Variants in PALS2 observed in about 807,000 individuals in gnomAD.
The protein encoded by PALS2 is protein associated with LIN7 2, MAGUK p55 family member.
A neutral mutation model predicts 61.6 loss-of-function variants in PALS2; 27 were observed. The observed-to-expected ratio is 0.44, with a 90% CI of 0.32 to 0.60. The LOEUF (loss-of-function observed/expected upper bound fraction) is 0.60, where lower values mean the gene tolerates loss of function less well. Ranked by LOEUF, PALS2 falls within the 20% of genes least tolerant of loss-of-function variation. The pLI is 0.05. For missense variants in PALS2, 554 were observed against 639.4 expected (o/e 0.87, Z 1.44); for synonymous variants, 236 against 218.6 (o/e 1.08, Z -0.70).
chr7:24,668,508 G>C lies in PALS2; in HGVS notation c.962G>C (p.Arg321Pro). Residue 321 changes from arginine to proline, a missense_variant, in exon 9 of 12, where the codon CGT becomes CCT. Transcript: ENST00000222644. ...YLTTRNAEFDRHEIQIYEEVA... is the reference protein window; with the variant it reads ...YLTTRNAEFDPHEIQIYEEVA... ...TTCCTTTTTCATTTAGAATTTGATCGTCATGAAATCCAGATATATGAGGAG... is the reference window on the plus strand; with the variant it reads ...TTCCTTTTTCATTTAGAATTTGATCCTCATGAAATCCAGATATATGAGGAG... 1 of 1,610,266 alleles carries C rather than the reference G, an allele frequency of 6.2e-7. No individual in the cohort carries two copies. Among genetic ancestry groups the C allele is most frequent in the Non-Finnish European group, 8.5e-7 (1 of 1,178,460 alleles).
At chr7:24,606,762 G>A (rs1783914420) in intron 1 of PALS2, among the ~76,000 whole-genome samples, 1 of 151,896 alleles carries the variant, frequency 6.6e-6, no homozygotes, top group South Asian at 2.1e-4. Context: ...TTATTATACA[G>A]GTTGAGTATC....
At chr7:24,680,676 A>G (rs1401113170) in intron 11 of PALS2, among the ~76,000 whole-genome samples, 156 bp downstream of exon 11, 2 of 152,034 alleles carry the variant, frequency 1.3e-5, no homozygotes, top group Non-Finnish European at 2.9e-5. Context: ...GCTCGTTGCA[A>G]CCTCCCCGTC....
chr7:24,607,425 C>T (rs1434511222), intron 1 of PALS2, among the ~76,000 whole-genome samples: 1 of 151,726 alleles, frequency 6.6e-6, no homozygotes, highest in East Asian at 1.9e-4. Flanking sequence ...AGGAATTCTA[C>T]TTTTAGCTCT....
chr7:24,674,819 T>C (rs1338950824), intron 9 of PALS2, among the ~76,000 whole-genome samples: 1 of 149,748 alleles, frequency 6.7e-6, no homozygotes, highest in Non-Finnish European at 1.5e-5. Context: ...TGGGCTATGT[T>C]ATGCATCCTG....
At chr7:24,646,769 T>TC (rs916141176) in intron 3 of PALS2, among the ~76,000 whole-genome samples, 5 of 152,220 alleles carry the variant, frequency 3.3e-5, no homozygotes, top group Non-Finnish European at 5.9e-5. Context: ...CAGCTGTGAA[T>TC]CCATCAGGTC....
At chr7:24,601,506 C>T (rs1036934492) in intron 1 of PALS2, among the ~76,000 whole-genome samples, 11 of 152,156 alleles carry the variant, frequency 7.2e-5, no homozygotes, top group East Asian at 1.9e-4. Flanking sequence ...CACGTGTCAC[C>T]GATCTTCTTA....
chr7:24,598,086 G>A (rs538575804), intron 1 of PALS2, among the ~76,000 whole-genome samples: 53 of 152,184 alleles, frequency 3.5e-4, no homozygotes, highest in Non-Finnish European at 1.3e-4. Flanking sequence ...ATTGAAATGT[G>A]TGCAGGCAAG....
chr7:24,616,539 C>G (rs2128053997), intron 1 of PALS2, among the ~76,000 whole-genome samples: 1 of 152,208 alleles, frequency 6.6e-6, no homozygotes, highest in South Asian at 2.1e-4. Flanking sequence ...TCTTTGCTTT[C>G]CCTCTGTGTG....
Position 24,668,646 on chromosome 7 carries a change from G to A in PALS2, c.1100G>A (p.Gly367Glu). Residue 367 changes from glycine (G) to glutamate (E), a missense_variant, in exon 9 of 12, where the codon GGA becomes GAA. Coordinates refer to ENST00000222644, the MANE Select transcript of PALS2 (RefSeq NM_001303037.2). ...ATAGTATTGAATCCCACTAGATTTG[G>A]AACTACGGTGCCATGTAAGTTTTCT... is the stretch of plus-strand genomic sequence containing the variant. ...RFIVLNPTRF[G>E]TTVPFTSRKP... is the part of the protein sequence containing the mutation. 1 of 1,613,848 alleles carries A rather than the reference G, an allele frequency of 6.2e-7. No individual in the cohort carries two copies. The highest frequency in any genetic ancestry group is 8.5e-7 in the Non-Finnish European group (1 of 1,179,888).
chr7:24,667,838 G>T (rs967221368), intron 8 of PALS2, among the ~76,000 whole-genome samples: 57 of 151,624 alleles, frequency 3.8e-4, no homozygotes, highest in African/African-American at 1.4e-3. Context: ...CTAATTTTTT[G>T]TATTTTTTTA....
intron 10 of PALS2, 80 bp downstream of exon 10, chr7:24,679,413 T>G: frequency 6.9e-7 from 1 of 1,447,298 alleles, no homozygotes; most frequent in Non-Finnish European, 9.4e-7. Context: ...GTTGTTGGGT[T>G]GGGGTTGTTT....
chr7:24,618,050 C>T lies in PALS2; in HGVS notation c.-2-5616C>T, dbSNP rs1348800133. 6.6e-6 allele frequency among the ~76,000 whole-genome samples: 1 copy of T among 152,172 alleles called. No homozygotes were observed. The highest frequency in any genetic ancestry group is 1.5e-5 in the Non-Finnish European group (1 of 68,036). ...GTTGAGTTCAGGCCTCCTGGAGTAT[C>T]TTAGGGTGTAGGTGCCAATGTGGAG... On this transcript the variant is annotated intron_variant, in intron 1 of 11. Coordinates refer to ENST00000222644, the MANE Select transcript of PALS2 (RefSeq NM_001303037.2). The surrounding 1 kb of genome is among the most constrained non-coding windows in gnomAD (Gnocchi z 5.1).
At chr7:24,600,466 G>A (rs902919299) in intron 1 of PALS2, among the ~76,000 whole-genome samples, 1 of 152,072 alleles carries the variant, frequency 6.6e-6, no homozygotes, top group African/African-American at 2.4e-5. Context: ...GTTATTTTAA[G>A]TATAACATAT....
chr7:24,608,175 G>A (rs929721887), intron 1 of PALS2, among the ~76,000 whole-genome samples: 1 of 151,754 alleles, frequency 6.6e-6, no homozygotes, highest in East Asian at 1.9e-4. Context: ...ATTATCTCCT[G>A]TTGTTCAGTA....
intron 5 of PALS2, 48 bp downstream of exon 5, chr7:24,650,760 A>G (rs755173227): frequency 2.4e-6 from 3 of 1,261,038 alleles, no homozygotes. Context: ...TCATGTTTTT[A>G]ATCACAGTGT....
chr7:24,578,407 T>C (rs1018715320), intron 1 of PALS2, among the ~76,000 whole-genome samples: 1 of 152,242 alleles, frequency 6.6e-6, no homozygotes, highest in African/African-American at 2.4e-5. Context: ...GATAGTAGTA[T>C]GGTAAACAGG....
chr7:24,622,356 A>G (rs540390922), intron 1 of PALS2, among the ~76,000 whole-genome samples: 6 of 151,904 alleles, frequency 3.9e-5, no homozygotes, highest in Non-Finnish European at 7.4e-5. Context: ...ATGATGTTTT[A>G]TAGTTTCATT....
intron 5 of PALS2, among the ~76,000 whole-genome samples, chr7:24,654,210 TAAAAA>T (rs766083632): frequency 2.1e-5 from 3 of 140,150 alleles, no homozygotes; most frequent in African/African-American, 2.6e-5. Flanking sequence ...TTTGCCTAGT[TAAAAA>T]AAAAAAAAGA....
chr7:24,665,922 A>G (rs76759125), intron 7 of PALS2, 99 bp from the exon 8 acceptor site: 1 of 1,205,308 alleles, frequency 8.3e-7, no homozygotes, highest in East Asian at 2.3e-5. Context: ...AGGATGCCAC[A>G]TTGGGGAGAT....
Sources: gnomAD v4.1 joint callset for allele counts (sites outside exome capture counted in the v4.1 genomes callset) on GRCh38, gnomAD v4.1.1 for gene constraint, Gnocchi (gnomAD v3.1) non-coding constraint, MANE v1.5 for transcripts, NCBI Gene and HGNC (gene_info 2026-07-23, HGNC 2026-07-21) for gene names.